MED25: variants seen among roughly 807,000 people sequenced by gnomAD.
The protein encoded by MED25 is mediator complex subunit 25, also known as mediator of RNA polymerase II transcription subunit 25.
Under a neutral mutation model 89.4 loss-of-function variants are expected in MED25, and 62 were observed. The ratio of observed to expected loss-of-function variants is 0.69; its 90% CI spans 0.57 to 0.86. The LOEUF is 0.86. Ranked by LOEUF, MED25 falls within the 40% of genes least tolerant of loss-of-function variation. The pLI is 0.00. For missense variants in MED25, 905 were observed against 1,005.2 expected (o/e 0.90, Z 1.35); for synonymous variants, 449 against 427.9 (o/e 1.05, Z -0.61).
chr19:49,828,649 A>G (rs1265235749), intron 4 of MED25, 102 bp downstream of exon 4: 3 of 1,052,296 alleles, frequency 2.9e-6, no homozygotes, highest in East Asian at 2.4e-5. Flanking sequence ...CCTGTAGGGC[A>G]TGGGCTCTGT....
chr19:49,819,090 G>T, intron 2 of MED25, 82 bp from the exon 3 acceptor site: 10 of 1,550,996 alleles, frequency 6.4e-6, no homozygotes, highest in Non-Finnish European at 8.8e-6. Context: ...GGAGGAACGG[G>T]AAGCTGGGAG....
Position 49,831,882 on chromosome 19 carries a change from AG to A in MED25, c.1231-50del. 2.0e-6 allele frequency: 3 copies of A among 1,524,800 alleles called. No homozygotes were observed. Among genetic ancestry groups the A allele is most frequent in the Non-Finnish European group, 2.7e-6 (3 of 1,098,854 alleles). The allele number at this position is 1,524,800 out of a possible 1,614,324, so 94.5% of individuals were successfully genotyped here. On this transcript the variant is annotated intron_variant, in intron 10 of 17. Coordinates refer to ENST00000312865, the MANE Select transcript of MED25 (RefSeq NM_030973.4). The surrounding 1 kb of genome is among the most constrained non-coding windows in gnomAD (Gnocchi z 5.0). ...TACCAGGGTAGGACATGAGGGCTCA[AG>A]GGGACTGAGGCTTATGGCCCTTTTT...
chr19:49,830,801 C>T lies in MED25; in HGVS notation c.1015C>T (p.Pro339Ser). 2 of 1,613,498 alleles carry T rather than the reference C, an allele frequency of 1.2e-6. No individual in the cohort carries two copies. Among genetic ancestry groups the T allele is most frequent in the Non-Finnish European group, 1.7e-6 (2 of 1,179,880 alleles). Residue 339 changes from proline (P) to serine (S), a missense_variant, in exon 9 of 18, where the codon CCA (proline) becomes TCA (serine). Pro to Ser is a moderately conservative substitution (Grantham distance 74, BLOSUM62 -1). Transcript: ENST00000312865. The surrounding 1 kb of genome is among the most constrained non-coding windows in gnomAD (Gnocchi z 4.6). ...PPGPPGAPKP[P>S]PASQPSLVST... is the part of the protein sequence containing the mutation. ...AGGACCCCCTGGCGCCCCCAAGCCA[C>T]CACCTGCTTCCCAGCCCAGTCTGGT...
intron 3 of MED25, among the ~76,000 whole-genome samples, chr19:49,820,271 G>C (rs1418695153): frequency 6.6e-6 from 1 of 152,224 alleles, no homozygotes; most frequent in Non-Finnish European, 1.5e-5. Flanking sequence ...CTTCACAAAA[G>C]GGGGTGGGCT....
chr19:49,829,428 G>A lies in MED25; in HGVS notation c.525+338G>A, dbSNP rs985977066. Among the ~76,000 whole-genome samples the A allele has an allele frequency of 3.9e-5, 6 of 152,174 alleles. No homozygotes were observed. Among genetic ancestry groups the A allele is most frequent in the Admixed American group, 1.3e-4 (2 of 15,286 alleles). The stretch of plus-strand genomic sequence containing the variant: ...CGAGTAGCTGGGATTATAGACGCCC[G>A]CCACCACGCCCAGCTGATTTTTGTA... On this transcript the variant is annotated intron_variant, in intron 5 of 17. Transcript: ENST00000312865. This position sits in a 1 kb window ranked among gnomAD's most constrained non-coding sequence, Gnocchi z 4.6.
rs2123880347 is a variant in MED25 at position 49,830,867 on chromosome 19, C to T, written c.1081C>T (p.Gln361Ter). 6.2e-7 allele frequency: 1 copy of T among 1,610,720 alleles called. No homozygotes were observed. Among genetic ancestry groups the T allele is most frequent in the South Asian group, 1.1e-5 (1 of 91,032 alleles). The stretch of plus-strand genomic sequence containing the variant: ...TGGCTCCGGCCTGGCTCCCACGGCA[C>T]AGCCCGGGGCACCGTCCATGGTAGG... Reference protein sequence around the residue: ...APGSGLAPTAQPGAPSMAGTV... With the variant: ...APGSGLAPTA The change falls in exon 9 of 18, where the codon CAG becomes TAG. Residue 361 changes from glutamine (Q) to a stop codon, truncating the protein, a stop_gained. Coordinates refer to ENST00000312865, the MANE Select transcript of MED25 (RefSeq NM_030973.4). LOFTEE classifies it high-confidence loss of function. This position sits in a 1 kb window ranked among gnomAD's most constrained non-coding sequence, Gnocchi z 4.6.
Position 49,830,973 on chromosome 19 carries a change from A to T in MED25, c.1101+86A>T. The T allele has an allele frequency of 3.5e-6, 5 of 1,426,200 alleles. No individual in the cohort carries two copies. The highest frequency in any genetic ancestry group is 4.9e-6 in the Non-Finnish European group (5 of 1,024,146). 88.3% of individuals were successfully genotyped at this position (1,426,200 alleles called of 1,614,324 possible). A position where few individuals can be genotyped will look rare whatever the true frequency, so the allele number is the denominator to read the frequency against. The stretch of plus-strand genomic sequence containing the variant: ...TTAGAGGATGAGTCATTTGCCTTCC[A>T]GGGGGATGTGGCTCTCGTGGTTCTG... On this transcript the variant is annotated intron_variant, in intron 9 of 17. Coordinates refer to ENST00000312865, the MANE Select transcript of MED25 (RefSeq NM_030973.4). The surrounding 1 kb of genome is among the most constrained non-coding windows in gnomAD (Gnocchi z 4.6).
chr19:49,832,729 C>T (rs1329008369), intron 13 of MED25, among the ~76,000 whole-genome samples: 2 of 152,062 alleles, frequency 1.3e-5, no homozygotes, highest in African/African-American at 4.8e-5. Context: ...AACACATTAC[C>T]ACAAGCAGAG....
In MED25 at chr19:49,830,057, C is replaced by T. The variant is rs1209239460; in HGVS notation, c.689-31C>T. 1 of 1,600,836 alleles carries T rather than the reference C, an allele frequency of 6.2e-7. No individual in the cohort carries two copies. The highest frequency in any genetic ancestry group is 2.2e-5 in the East Asian group (1 of 44,622). ...TTTCTCTGCATCTTGAATCCCTTCT[C>T]TCTGGGGTTGGCCATCCCTCCTGCT... On this transcript the variant is annotated intron_variant, in intron 6 of 17. Transcript: ENST00000312865. This position sits in a 1 kb window ranked among gnomAD's most constrained non-coding sequence, Gnocchi z 4.6.
intron 3 of MED25, among the ~76,000 whole-genome samples, chr19:49,827,463 C>G (rs2074023287): frequency 6.6e-6 from 1 of 152,110 alleles, no homozygotes; most frequent in African/African-American, 2.4e-5. Flanking sequence ...GGGAAGGGCC[C>G]TTCTGCCTTT....
intron 13 of MED25, chr19:49,833,235 T>A (rs2074071968): frequency 6.6e-6 from 1 of 152,410 alleles, no homozygotes; most frequent in Admixed American, 6.5e-5. Context: ...GCCTCCCAAG[T>A]AGCTGGGATT....
At chr19:49,823,301 A>G (rs2073995581) in intron 3 of MED25, among the ~76,000 whole-genome samples, 1 of 152,116 alleles carries the variant, frequency 6.6e-6, no homozygotes. Flanking sequence ...GTATAAGCCT[A>G]TCCCGTTCAG....
chr19:49,821,840 T>C (rs891919339), intron 3 of MED25, among the ~76,000 whole-genome samples: 1 of 148,406 alleles, frequency 6.7e-6, no homozygotes, highest in Non-Finnish European at 1.5e-5. Context: ...AAAAAAAATT[T>C]TGTAGTGGCG....
chr19:49,832,275 C>T, intron 12 of MED25, 33 bp from the exon 13 acceptor site: 1 of 1,545,972 alleles, frequency 6.5e-7, no homozygotes, highest in Non-Finnish European at 8.9e-7. Context: ...TTGCCCACAC[C>T]AGCATGCCAG....
At chr19:49,833,369 A>C (rs542112991) in intron 13 of MED25, 1 of 152,244 alleles carries the variant, frequency 6.6e-6, no homozygotes, top group Non-Finnish European at 1.5e-5. Context: ...CGGCCTCCCA[A>C]AGTGCTAGGA....
rs2074046492 is a variant in MED25, at chr19:49,830,402, A to G, written c.820-109A>G. 4.8e-6 allele frequency: 6 copies of G among 1,247,576 alleles called. No homozygotes were observed. The highest frequency in any genetic ancestry group is 2.4e-5 in the East Asian group (1 of 41,616). 77.3% of individuals were successfully genotyped at this position (1,247,576 alleles called of 1,614,324 possible). Reference sequence around the variant, plus strand: ...TGTGATGGGTGTTGTGAGCTAAGCTATCCCAGCTGGTGCCTCATGGGGCCA... The same window carrying G: ...TGTGATGGGTGTTGTGAGCTAAGCTGTCCCAGCTGGTGCCTCATGGGGCCA... On this transcript the variant is annotated intron_variant, in intron 7 of 17. Transcript: ENST00000312865. This position sits in a 1 kb window ranked among gnomAD's most constrained non-coding sequence, Gnocchi z 4.6.
chr19:49,832,282 C>A, intron 12 of MED25, 26 bp from the exon 13 acceptor site: 1 of 1,556,196 alleles, frequency 6.4e-7, no homozygotes, highest in Non-Finnish European at 8.8e-7. Context: ...CACCAGCATG[C>A]CAGCCGACTT....
Position 49,831,219 on chromosome 19 carries a change from A to G in MED25, c.1102-114A>G. ...CGGCTGGCCAAGTGCTGTTCTGGGGATGGAGGGGCAGAAGAAGGGATCTTT... is the reference window on the plus strand; with the variant it reads ...CGGCTGGCCAAGTGCTGTTCTGGGGGTGGAGGGGCAGAAGAAGGGATCTTT... On this transcript the variant is annotated intron_variant, in intron 9 of 17. Transcript: ENST00000312865. The surrounding 1 kb of genome is among the most constrained non-coding windows in gnomAD (Gnocchi z 5.0). The G allele has an allele frequency of 8.4e-7, 1 of 1,191,470 alleles. No homozygotes were observed. The highest frequency in any genetic ancestry group is 1.2e-6 in the Non-Finnish European group (1 of 849,462). 73.8% of individuals were successfully genotyped at this position (1,191,470 alleles called of 1,614,324 possible).
chr19:49,823,437 C>G (rs1362287807), intron 3 of MED25, among the ~76,000 whole-genome samples: 1 of 152,176 alleles, frequency 6.6e-6, no homozygotes, highest in African/African-American at 2.4e-5. Flanking sequence ...ATGTTTAATA[C>G]AGTGCCTGGC....
Sources: gnomAD v4.1 joint callset for allele counts (sites outside exome capture counted in the v4.1 genomes callset) on GRCh38, gnomAD v4.1.1 for gene constraint, Gnocchi (gnomAD v3.1) non-coding constraint, MANE v1.5 for transcripts, NCBI Gene and HGNC (gene_info 2026-07-23, HGNC 2026-07-21) for gene names.